BAZ1B: variants seen among roughly 807,000 people sequenced by gnomAD.
The protein encoded by BAZ1B is bromodomain adjacent to zinc finger domain 1B.
A neutral mutation model predicts 153.8 loss-of-function variants in BAZ1B; 22 were observed. The ratio of observed to expected loss-of-function variants is 0.14; its 90% CI spans 0.10 to 0.20. The LOEUF (loss-of-function observed/expected upper bound fraction) is 0.20, where lower values mean the gene tolerates loss of function less well. BAZ1B is among the 10% of genes least tolerant of loss of function. The pLI is 1.00. For synonymous variants in BAZ1B, 676 were observed against 633.4 expected, an observed-to-expected ratio of 1.07 and a Z score of -1.01; for missense variants, 1,325 against 1,799.3, an observed-to-expected ratio of 0.74 and a Z score of 4.77.
rs781878926 is a variant in BAZ1B, at chr7:73,470,357, C to T, written c.2720G>A (p.Arg907Gln). 2.5e-6 allele frequency: 4 copies of T among 1,612,500 alleles called. No homozygotes were observed. The highest frequency in any genetic ancestry group is 3.4e-6 in the Non-Finnish European group (4 of 1,179,344). The change falls in exon 8 of 20, where the codon CGA becomes CAA. Residue 907 changes from arginine to glutamine, a missense_variant. This residue lies in a region of BAZ1B where 431 missense variants were observed against 563.5 expected (regional missense o/e 0.76). Coordinates refer to ENST00000339594, the MANE Select transcript of BAZ1B (RefSeq NM_032408.4). ...TTTAGGAACTGACCTATTATGGTTTCGATCTGTGCCAATAGGAGTCCTGCG... is the reference window on the plus strand; with the variant it reads ...TTTAGGAACTGACCTATTATGGTTTTGATCTGTGCCAATAGGAGTCCTGCG... ...VMRRTPIGTD[R>Q]NHNRYWLFSD... is the part of the protein sequence containing the mutation.
At chr7:73,479,699 C>A (rs1395626340) in intron 6 of BAZ1B, among the ~76,000 whole-genome samples, 1 of 152,008 alleles carries the variant, frequency 6.6e-6, no homozygotes, top group Non-Finnish European at 1.5e-5. Flanking sequence ...TCTTGCTTTA[C>A]CCAGATTAAA....
chr7:73,451,930 A>C (rs1415608430), intron 13 of BAZ1B, among the ~76,000 whole-genome samples: 1 of 152,192 alleles, frequency 6.6e-6, no homozygotes, highest in African/African-American at 2.4e-5. Flanking sequence ...GGTTCTTTAA[A>C]AGTGCTTGAG....
chr7:73,498,761 G>T, intron 3 of BAZ1B, 63 bp from the exon 4 acceptor site: 14 of 1,425,422 alleles, frequency 9.8e-6, no homozygotes, highest in Non-Finnish European at 1.4e-5. Flanking sequence ...AAGATGTTTA[G>T]AACATATCAT....
At chr7:73,453,431 A>T (rs1475626708) in intron 13 of BAZ1B, among the ~76,000 whole-genome samples, 5 of 152,232 alleles carry the variant, frequency 3.3e-5, no homozygotes, top group African/African-American at 1.2e-4. Context: ...GTTAATGAGA[A>T]CCCTACAGTG....
intron 17 of BAZ1B, 69 bp from the exon 18 acceptor site, chr7:73,442,897 T>TA (rs1373268351): frequency 8.8e-7 from 1 of 1,141,996 alleles, no homozygotes; most frequent in Non-Finnish European, 1.3e-6. Flanking sequence ...GGGCAGAAAA[T>TA]AAGTGTATCT....
intron 7 of BAZ1B, among the ~76,000 whole-genome samples, chr7:73,474,621 T>C (rs1788932746): frequency 6.6e-6 from 1 of 151,726 alleles, no homozygotes. Flanking sequence ...ACTAAAAATA[T>C]AAAATTAGCC....
chr7:73,472,985 C>T (rs1788868942), intron 7 of BAZ1B, among the ~76,000 whole-genome samples: 1 of 151,462 alleles, frequency 6.6e-6, no homozygotes, highest in South Asian at 2.1e-4. Flanking sequence ...CTCTGTCCCC[C>T]AGGCTGGAGT....
chr7:73,464,234 T>C lies in BAZ1B; in HGVS notation c.3072-1135A>G, dbSNP rs1010468240. The C allele has an allele frequency of 5.5e-6, 5 of 904,444 alleles. No homozygotes were observed. The South Asian group carries it at 2.0e-4, about 37-fold the overall frequency. The allele number at this position is 904,444 out of a possible 1,614,324, so 56.0% of individuals were successfully genotyped here. A position where few individuals can be genotyped will look rare whatever the true frequency, so the allele number is the denominator to read the frequency against. On this transcript the variant is annotated intron_variant, in intron 11 of 19. Transcript: ENST00000339594. ...GTGAAATTGAGCACAGAGTCAGCAA[T>C]GAGAGGAGGCATTAAGCCAAAATCT...
At chr7:73,442,136 T>TGGCCAC in intron 19 of BAZ1B, 45 bp downstream of exon 19, 1 of 573,492 alleles carries the variant, frequency 1.7e-6, no homozygotes, top group Non-Finnish European at 3.2e-6. Context: ...CTCGCTCGCC[T>TGGCCAC]CCCTCCCACC....
At chr7:73,499,181 T>C (rs541195898) in intron 3 of BAZ1B, among the ~76,000 whole-genome samples, 125 of 152,132 alleles carry the variant, frequency 8.2e-4, no homozygotes, top group Middle Eastern at 3.4e-3. Context: ...GCACGCACCA[T>C]CGTGCCAGGC....
intron 13 of BAZ1B, among the ~76,000 whole-genome samples, chr7:73,452,476 C>T (rs1583888512): frequency 1.3e-5 from 2 of 152,272 alleles, no homozygotes; most frequent in South Asian, 4.1e-4. Flanking sequence ...ATAATCCCAG[C>T]ACTTTGGGAG....
At chr7:73,458,647 G>T (rs2116269956) in intron 13 of BAZ1B, among the ~76,000 whole-genome samples, 1 of 145,210 alleles carries the variant, frequency 6.9e-6, no homozygotes, top group Admixed American at 7.0e-5. Context: ...CTACACTCCA[G>T]CCTAGGCAAG....
At chr7:73,468,398 A>C (rs1212293822) in intron 9 of BAZ1B, among the ~76,000 whole-genome samples, 1 of 151,788 alleles carries the variant, frequency 6.6e-6, no homozygotes, top group Non-Finnish European at 1.5e-5. Context: ...TATCTTCCTC[A>C]TCAGTGTCAT....
Position 73,469,502 on chromosome 7 carries a change from T to G in BAZ1B, c.2866+15A>C. On this transcript the variant is annotated intron_variant, in intron 9 of 19. Transcript: ENST00000339594. ...AGCAGGGTGAAATAACTCTTAGATATACAGATATACTCACTGCGAGGACAG... is the reference window on the plus strand; with the variant it reads ...AGCAGGGTGAAATAACTCTTAGATAGACAGATATACTCACTGCGAGGACAG... The G allele has an allele frequency of 6.2e-7, 1 of 1,613,942 alleles. No individual in the cohort carries two copies. Among genetic ancestry groups the G allele is most frequent in the Non-Finnish European group, 8.5e-7 (1 of 1,179,878 alleles).
intron 2 of BAZ1B, among the ~76,000 whole-genome samples, chr7:73,509,951 AC>A (rs1790509637): frequency 6.6e-6 from 1 of 150,698 alleles, no homozygotes; most frequent in South Asian, 2.1e-4. Context: ...ACATGGTGAA[AC>A]CCCATCTCTA....
At chr7:73,449,726 C>A (rs1554567773) in intron 14 of BAZ1B, 37 bp from the exon 15 acceptor site, 32 of 1,606,676 alleles carry the variant, frequency 2.0e-5, no homozygotes, top group Non-Finnish European at 2.7e-5. Context: ...TTGTTGGGAG[C>A]ACAGCAGCAG....
At position 73,447,286 on chromosome 7, in the gene BAZ1B, ATCT is replaced by A. The variant is rs782407727; in HGVS notation, c.3819_3821del (p.Glu1273del). On this transcript the variant is annotated inframe_deletion, in exon 16 of 20. Transcript: ENST00000339594. Reference sequence around the variant, plus strand: ...TACATCGCAAACCAGCCACCTCATAATCTTCTTCCTCCTCCTCCTCTTCTTCCT... The same window carrying A: ...TACATCGCAAACCAGCCACCTCATAATCTTCCTCCTCCTCCTCTTCTTCCT... 23 of 1,613,754 alleles carry A rather than the reference ATCT, an allele frequency of 1.4e-5. No individual in the cohort carries two copies. Among genetic ancestry groups the A allele is most frequent in the South Asian group, 3.3e-5 (3 of 91,068 alleles).
intron 6 of BAZ1B, among the ~76,000 whole-genome samples, chr7:73,481,516 C>CAA (rs55689155): frequency 4.0e-4 from 22 of 54,996 alleles, no homozygotes; most frequent in Non-Finnish European, 6.9e-4. Flanking sequence ...GACTCCATCT[C>CAA]AAAAAAAAAA....
chr7:73,451,831 G>A (rs1554568320), intron 13 of BAZ1B, among the ~76,000 whole-genome samples: 3 of 152,212 alleles, frequency 2.0e-5, no homozygotes, highest in African/African-American at 7.2e-5. Flanking sequence ...CTGATAAAAA[G>A]AGAGCTGACA....
Sources: allele counts gnomAD v4.1 joint callset (sites outside exome capture counted in the v4.1 genomes callset), GRCh38; gene constraint gnomAD v4.1.1; regional missense constraint gnomAD v4.1.1; transcripts MANE v1.5; gene names NCBI Gene and HGNC (gene_info 2026-07-23, HGNC 2026-07-21).